The following ZCCHC14 variants were observed in gnomAD, a reference collection of about 807,000 sequenced individuals.
ZCCHC14 encodes the protein zinc finger CCHC domain-containing protein 14.
Under a neutral mutation model 85.0 loss-of-function variants are expected in ZCCHC14, and 16 were observed. The ratio of observed to expected loss-of-function variants is 0.19; its 90% CI spans 0.13 to 0.29. The LOEUF (loss-of-function observed/expected upper bound fraction) is 0.29. ZCCHC14 is among the 10% of genes least tolerant of loss of function. The pLI is 1.00. For synonymous variants in ZCCHC14, 775 were observed against 630.7 expected (o/e 1.23, Z -3.43); for missense variants, 1,303 against 1,443.5 (o/e 0.90, Z 1.58).
intron 2 of ZCCHC14, among the ~76,000 whole-genome samples, chr16:87,451,333 A>G (rs1910692093): frequency 6.6e-6 from 1 of 151,710 alleles, no homozygotes; most frequent in South Asian, 2.1e-4. Context: ...AGCACCTGAT[A>G]TTACAGGCAC....
chr16:87,412,659 C>T lies in ZCCHC14; in HGVS notation c.2062G>A (p.Val688Met). 2 of 1,614,236 alleles carry T rather than the reference C, an allele frequency of 1.2e-6. No homozygotes were observed. The highest frequency in any genetic ancestry group is 1.7e-6 in the Non-Finnish European group (2 of 1,180,044). ...ATGGCGCTGCCAAAGCTCTTGTCCA[C>T]TTTCATGCTGCTTCTTGGTCCAGAT... ...KGSGPRSSMK[V>M]DKSFGSAMMD... Residue 688 changes from valine to methionine, a missense_variant, in exon 12 of 13, where the codon GTG becomes ATG. Physicochemically the swap from Val to Met is conservative, Grantham distance 21. Transcript: ENST00000671377.
intron 1 of ZCCHC14, among the ~76,000 whole-genome samples, chr16:87,486,206 A>G (rs1215384995): frequency 2.0e-5 from 3 of 152,182 alleles, no homozygotes; most frequent in Admixed American, 6.5e-5. Context: ...TCATGGCATC[A>G]ACAGAAATAC....
rs141468565 is a variant in ZCCHC14 at position 87,463,350 on chromosome 16, C to CCAG, written c.571-3222_571-3220dup. Reference sequence around the variant, plus strand: ...TGAGGTATGATCATATCAGTGCACTCCAGCCTGGGCGATAGCGAGACCCTG... The same window carrying CCAG: ...TGAGGTATGATCATATCAGTGCACTCCAGCAGCCTGGGCGATAGCGAGACCCTG... On this transcript the variant is annotated intron_variant, in intron 1 of 12. Coordinates refer to ENST00000671377, the MANE Select transcript of ZCCHC14 (RefSeq NM_015144.3). Among the ~76,000 whole-genome samples the CCAG allele has an allele frequency of 9.1e-4, 139 of 152,296 alleles. 4 individuals carry two copies. The East Asian group carries it at 0.025, about 27-fold the overall frequency.
intron 7 of ZCCHC14, 30 bp from the exon 8 acceptor site, chr16:87,417,772 G>C (rs934472871): frequency 1.3e-6 from 2 of 1,536,860 alleles, no homozygotes; most frequent in African/African-American, 2.7e-5. Flanking sequence ...GGGACACAGA[G>C]AGACTGTGGC....
At chr16:87,462,450 C>CA (rs773936120) in intron 1 of ZCCHC14, among the ~76,000 whole-genome samples, 1 of 151,970 alleles carries the variant, frequency 6.6e-6, no homozygotes, top group Non-Finnish European at 1.5e-5. Flanking sequence ...GTACAAGAAA[C>CA]ACAGCCAAGG....
intron 4 of ZCCHC14, among the ~76,000 whole-genome samples, chr16:87,422,976 A>T (rs73240812): frequency 0.032 from 4,874 of 152,274 alleles, 112 homozygotes; most frequent in Middle Eastern, 0.099. Context: ...GGCCAAAAAG[A>T]TAAGTGTAAT....
chr16:87,414,835 C>G (rs1026072694), intron 9 of ZCCHC14, among the ~76,000 whole-genome samples: 3 of 152,206 alleles, frequency 2.0e-5, no homozygotes, highest in African/African-American at 4.8e-5. Flanking sequence ...AATCCCAGCA[C>G]TTTGGGAGGC....
Position 87,412,774 on chromosome 16 carries a change from G to A in ZCCHC14, c.1947C>T (p.Ser649=), listed in dbSNP as rs151329869. The change falls in exon 12 of 13, where the codon TCC becomes TCT. Residue 649 remains serine, a synonymous_variant. Coordinates refer to ENST00000671377, the MANE Select transcript of ZCCHC14 (RefSeq NM_015144.3). The part of the protein sequence containing the change: ...SHITPIRMLN[S]VHKPERGSAD... ...CGCTCCCTCTTTCCGGCTTGTGCAC[G>A]GAATTCAGCATGCGGATGGGTGTGA... The A allele has an allele frequency of 2.6e-5, 42 of 1,613,954 alleles. No homozygotes were observed. The African/African-American group carries it at 3.6e-4, about 14-fold the overall frequency.
In ZCCHC14 at chr16:87,483,234, G is replaced by A. The variant is rs548343619; in HGVS notation, c.570+8435C>T. 6.1e-5 allele frequency among the ~76,000 whole-genome samples: 9 copies of A among 147,994 alleles called. No homozygotes were observed. The East Asian group carries it at 1.6e-3, about 26-fold the overall frequency. ...GCACTTTGGGAGGCCGAGGTGGGTG[G>A]ATCTCTTGAAGTCAGGAGCTTGAGA... On this transcript the variant is annotated intron_variant, in intron 1 of 12. Transcript: ENST00000671377.
intron 2 of ZCCHC14, among the ~76,000 whole-genome samples, chr16:87,442,213 C>T (rs147640364): frequency 0.021 from 3,168 of 152,274 alleles, 66 homozygotes; most frequent in Middle Eastern, 0.034. Flanking sequence ...GCAAGCAATG[C>T]CCCCAAAGGA....
chr16:87,491,467 A>G lies in ZCCHC14; in HGVS notation c.570+202T>C, dbSNP rs940731768. Among the ~76,000 whole-genome samples, 1 of 151,700 alleles carries G rather than the reference A, an allele frequency of 6.6e-6. No individual in the cohort carries two copies. Among genetic ancestry groups the G allele is most frequent in the Non-Finnish European group, 1.5e-5 (1 of 67,924 alleles). ...GGAGGCTTGGAGAGGTGGGGCACAC[A>G]TTTGGGGTGCGACATAGAGGCTTAG... is the stretch of plus-strand genomic sequence containing the variant. On this transcript the variant is annotated intron_variant, in intron 1 of 12. Transcript: ENST00000671377. This position sits in a 1 kb window ranked among gnomAD's most constrained non-coding sequence, Gnocchi z 5.9.
chr16:87,438,024 G>T (rs557472990), intron 2 of ZCCHC14, among the ~76,000 whole-genome samples: 2 of 152,244 alleles, frequency 1.3e-5, no homozygotes, highest in Non-Finnish European at 2.9e-5. Context: ...CCTGCTGCTG[G>T]CCATGTGGCA....
At chr16:87,481,395 C>T (rs1597454029) in intron 1 of ZCCHC14, among the ~76,000 whole-genome samples, 2 of 151,910 alleles carry the variant, frequency 1.3e-5, no homozygotes, top group South Asian at 2.1e-4. Context: ...TAGGCTGGGG[C>T]CATGCTGGTT....
intron 2 of ZCCHC14, among the ~76,000 whole-genome samples, chr16:87,435,863 C>T (rs551584457): frequency 2.6e-5 from 4 of 152,392 alleles, no homozygotes; most frequent in South Asian, 4.1e-4. Flanking sequence ...CTACACAGCC[C>T]TGCTGATGTT....
In ZCCHC14 at chr16:87,492,122, G is replaced by A. The variant is rs902986199; in HGVS notation, c.117C>T (p.Leu39=). Residue 39 remains leucine, a synonymous_variant, in exon 1 of 13, where the codon CTC becomes CTT. Coordinates refer to ENST00000671377, the MANE Select transcript of ZCCHC14 (RefSeq NM_015144.3). This position sits in a 1 kb window ranked among gnomAD's most constrained non-coding sequence, Gnocchi z 6.7. The stretch of plus-strand genomic sequence containing the variant: ...GGCACGAGCCGAGGAAGCGAAGCTC[G>A]AGCGGGATGCACAGGTCCAGCAGGC... ...LCGLLDLCIP[L]ELRFLGSCLE... 5.2e-6 allele frequency: 7 copies of A among 1,355,758 alleles called. No homozygotes were observed. The highest frequency in any genetic ancestry group is 3.7e-5 in the East Asian group (1 of 27,276). 84.0% of individuals were successfully genotyped at this position (1,355,758 alleles called of 1,614,324 possible). A position where few individuals can be genotyped will look rare whatever the true frequency, so the allele number is the denominator to read the frequency against.
rs763836553 is a variant in ZCCHC14, at chr16:87,417,608, C to T, written c.1235G>A (p.Arg412Gln). 5.6e-6 allele frequency: 9 copies of T among 1,614,082 alleles called. No individual in the cohort carries two copies. The highest frequency in any genetic ancestry group is 2.7e-5 in the African/African-American group (2 of 74,942). The change falls in exon 8 of 13, where the codon CGG (arginine) becomes CAG (glutamine). Residue 412 changes from arginine to glutamine, a missense_variant. Transcript: ENST00000671377. ...GGCAGGTGATGTGTCCATCTGGGTC[C>T]GGTAGGCCAGGGCTGAGCCCGCGCT... Reference protein sequence around the residue: ...AGSAGSALAYRTQMDTSPAIL... With the variant: ...AGSAGSALAYQTQMDTSPAIL...
intron 2 of ZCCHC14, among the ~76,000 whole-genome samples, chr16:87,451,601 C>A (rs1479907340): frequency 6.6e-6 from 1 of 152,180 alleles, no homozygotes; most frequent in East Asian, 1.9e-4. Flanking sequence ...GGCATTAGTA[C>A]GTTCTAAGCG....
intron 1 of ZCCHC14, among the ~76,000 whole-genome samples, chr16:87,481,710 A>G (rs1285475441): frequency 6.6e-6 from 1 of 152,058 alleles, no homozygotes; most frequent in African/African-American, 2.4e-5. Flanking sequence ...GCTGGAGGGG[A>G]TAAAAAAGGG....
intron 1 of ZCCHC14, among the ~76,000 whole-genome samples, chr16:87,487,326 G>A (rs1912553921): frequency 1.3e-5 from 2 of 152,180 alleles, no homozygotes; most frequent in Non-Finnish European, 1.5e-5. Context: ...TCAGCCCCAT[G>A]AAGCAGTTCA....
Sources: gnomAD v4.1 joint callset for allele counts (sites outside exome capture counted in the v4.1 genomes callset) on GRCh38, gnomAD v4.1.1 for gene constraint, Gnocchi (gnomAD v3.1) non-coding constraint, MANE v1.5 for transcripts, NCBI Gene and HGNC (gene_info 2026-07-23, HGNC 2026-07-21) for gene names.